GRIP1: variants seen among roughly 807,000 people sequenced by gnomAD.
The protein encoded by GRIP1 is glutamate receptor interacting protein 1.
A neutral mutation model predicts 129.9 loss-of-function variants in GRIP1; 45 were observed. That is an observed-to-expected ratio of 0.35 (90% CI 0.27 to 0.44). The LOEUF (loss-of-function observed/expected upper bound fraction) is 0.44, where lower values mean the gene tolerates loss of function less well. Among genes scored for constraint, GRIP1 ranks in the 20% least tolerant of loss-of-function variants. The pLI is 1.00. For missense variants in GRIP1, 1,196 were observed against 1,396.8 expected, an observed-to-expected ratio of 0.86 and a Z score of 2.29; for synonymous variants, 530 against 520.8, an observed-to-expected ratio of 1.02 and a Z score of -0.24.
chr12:66,861,955 A>C (rs1461865690), intron 1 of GRIP1, among the ~76,000 whole-genome samples: 1 of 152,098 alleles, frequency 6.6e-6, no homozygotes, highest in African/African-American at 2.4e-5. Flanking sequence ...ACAATTTCCT[A>C]CCTGAATTAG....
In GRIP1 at chr12:66,708,493, T is replaced by A. The variant is rs902155750; in HGVS notation, c.-419-78157A>T. Among the ~76,000 whole-genome samples the A allele has an allele frequency of 9.9e-5, 15 of 152,104 alleles. No homozygotes were observed. The East Asian group carries it at 2.9e-3, about 29-fold the overall frequency. On this transcript the variant is annotated intron_variant, in intron 1 of 4. Coordinates refer to the GRIP1 transcript ENST00000538373. Reference sequence around the variant, plus strand: ...TGTTAGGATATTTTCATTTGTATCTTATTTTCTTAGTTCGGGCCTAGGTAG... The same window carrying A: ...TGTTAGGATATTTTCATTTGTATCTAATTTTCTTAGTTCGGGCCTAGGTAG...
chr12:66,997,559 T>C (rs1055272528), intron 1 of GRIP1, among the ~76,000 whole-genome samples: 32 of 152,124 alleles, frequency 2.1e-4, no homozygotes, highest in African/African-American at 7.7e-4. Flanking sequence ...TGAAAAAACT[T>C]GAGAAAACAC....
chr12:66,908,156 A>C (rs1173470822), intron 1 of GRIP1, among the ~76,000 whole-genome samples: 1 of 152,156 alleles, frequency 6.6e-6, no homozygotes, highest in African/African-American at 2.4e-5. Context: ...TATGGCTTCT[A>C]AATGTCCTAG....
At chr12:66,844,302 C>T (rs922176818) in intron 1 of GRIP1, among the ~76,000 whole-genome samples, 26 of 152,130 alleles carry the variant, frequency 1.7e-4, no homozygotes, top group African/African-American at 5.5e-4. Flanking sequence ...ATAGACATTC[C>T]TCCAAGGATA....
At chr12:67,033,862 C>A (rs1005075172) in intron 1 of GRIP1, among the ~76,000 whole-genome samples, 13 of 152,122 alleles carry the variant, frequency 8.5e-5, no homozygotes, top group African/African-American at 3.1e-4. Context: ...GTGTTCCTGC[C>A]ATCCTAAATG....
chr12:67,020,078 C>A (rs2042843179), intron 1 of GRIP1, among the ~76,000 whole-genome samples: 2 of 151,984 alleles, frequency 1.3e-5, no homozygotes, highest in Non-Finnish European at 2.9e-5. Context: ...TCTTTTTTTG[C>A]ACTTTAAATA....
At chr12:66,758,370 G>C (rs2037365211) in intron 1 of GRIP1, among the ~76,000 whole-genome samples, 1 of 151,952 alleles carries the variant, frequency 6.6e-6, no homozygotes, top group South Asian at 2.1e-4. Flanking sequence ...TGGCCCCCGT[G>C]ATTCAATTAC....
At chr12:66,957,859 CA>C (rs914297099) in intron 1 of GRIP1, among the ~76,000 whole-genome samples, 2 of 152,122 alleles carry the variant, frequency 1.3e-5, no homozygotes, top group Non-Finnish European at 2.9e-5. Context: ...ATGTGTAAAC[CA>C]TACTTAAGAA....
At chr12:66,715,103 T>A (rs1036593992) in intron 1 of GRIP1, among the ~76,000 whole-genome samples, 11 of 152,090 alleles carry the variant, frequency 7.2e-5, no homozygotes, top group Non-Finnish European at 1.3e-4. Flanking sequence ...TCCTTCTTCA[T>A]CGACGGCCAG....
chr12:66,546,931 A>G (rs2061966548), intron 2 of GRIP1, among the ~76,000 whole-genome samples: 1 of 152,196 alleles, frequency 6.6e-6, no homozygotes, highest in South Asian at 2.1e-4. Context: ...AAAATTAAAA[A>G]TGAATGCTCT....
At position 66,394,189 on chromosome 12, in the gene GRIP1, C is replaced by G; in HGVS notation, c.2129+19G>C. On this transcript the variant is annotated intron_variant, in intron 17 of 24. Transcript: ENST00000359742. ...CCGTCTCAGACACAGGTAATTATAA[C>G]AGTTACTTCAAATTTTACCTTTCAG... 1 of 1,609,388 alleles carries G rather than the reference C, an allele frequency of 6.2e-7. No individual in the cohort carries two copies. The highest frequency in any genetic ancestry group is 1.3e-5 in the African/African-American group (1 of 74,942).
At chr12:66,848,757 T>C (rs1474403698) in intron 1 of GRIP1, among the ~76,000 whole-genome samples, 3 of 152,164 alleles carry the variant, frequency 2.0e-5, no homozygotes, top group Non-Finnish European at 4.4e-5. Context: ...ATTTTGTATT[T>C]CTTTAAATGA....
chr12:66,414,261 T>C (rs926134239), intron 15 of GRIP1, among the ~76,000 whole-genome samples: 3 of 152,072 alleles, frequency 2.0e-5, no homozygotes, highest in African/African-American at 7.2e-5. Flanking sequence ...ACATACAAAA[T>C]CACTGTGCAG....
intron 9 of GRIP1, among the ~76,000 whole-genome samples, chr12:66,458,271 A>G (rs1373421314): frequency 2.0e-5 from 3 of 152,142 alleles, no homozygotes; most frequent in African/African-American, 7.2e-5. Flanking sequence ...GGCCACTGTA[A>G]CACCTTCAGA....
intron 1 of GRIP1, among the ~76,000 whole-genome samples, chr12:66,650,897 C>A (rs1029610785): frequency 6.6e-6 from 1 of 152,174 alleles, no homozygotes; most frequent in Non-Finnish European, 1.5e-5. Flanking sequence ...TAACCTTGGG[C>A]AAACTAATTA....
At chr12:66,925,877 C>T (rs1021918825) in intron 1 of GRIP1, among the ~76,000 whole-genome samples, 5 of 152,358 alleles carry the variant, frequency 3.3e-5, no homozygotes, top group Non-Finnish European at 7.3e-5. Context: ...CTCCTGATCT[C>T]AAGTGATCCA....
At chr12:66,742,622 T>C (rs1697544067) in intron 1 of GRIP1, among the ~76,000 whole-genome samples, 1 of 152,074 alleles carries the variant, frequency 6.6e-6, no homozygotes, top group African/African-American at 2.4e-5. Context: ...TACACTCATT[T>C]ACTCAGAAAA....
intron 1 of GRIP1, among the ~76,000 whole-genome samples, chr12:66,735,850 C>T (rs527576780): frequency 5.3e-5 from 8 of 152,244 alleles, no homozygotes; most frequent in Non-Finnish European, 8.8e-5. Flanking sequence ...CTGACTCTAT[C>T]CCAAAGACAA....
rs769149922 is a variant in GRIP1, at chr12:66,444,713, T to A, written c.1558A>T (p.Ile520Phe). Reference sequence around the variant, plus strand: ...TTGATGGCCATCACTCTGTCTCCAATCTGTAGCACCCCACATCTAATTTAG... The same window carrying A: ...TTGATGGCCATCACTCTGTCTCCAAACTGTAGCACCCCACATCTAATTTAG... ...SPAERCGVLQIGDRVMAINGI... is the reference protein window; with the variant it reads ...SPAERCGVLQFGDRVMAINGI... Residue 520 changes from isoleucine to phenylalanine, a missense_variant, in exon 13 of 25, where the codon ATT becomes TTT. Ile to Phe is a conservative substitution (Grantham distance 21). This residue lies in a region of GRIP1 where 508 missense variants were observed against 587.0 expected (regional missense o/e 0.87). Coordinates refer to ENST00000359742, the MANE Select transcript of GRIP1 (RefSeq NM_001366722.1). The A allele has an allele frequency of 1.2e-6, 2 of 1,613,988 alleles. No homozygotes were observed. The highest frequency in any genetic ancestry group is 1.6e-4 in the Middle Eastern group (1 of 6,084).
Sources: gnomAD v4.1 joint callset for allele counts (sites outside exome capture counted in the v4.1 genomes callset) on GRCh38, gnomAD v4.1.1 for gene constraint, gnomAD v4.1.1 regional missense constraint, MANE v1.5 for transcripts, NCBI Gene and HGNC (gene_info 2026-07-23, HGNC 2026-07-21) for gene names.